The following LRMDA variants were observed in gnomAD, a reference collection of about 807,000 sequenced individuals.
The protein encoded by LRMDA is leucine rich melanocyte differentiation associated, also known as leucine-rich melanocyte differentiation-associated protein.
Under a neutral mutation model 29.8 loss-of-function variants are expected in LRMDA, and 18 were observed. That is an observed-to-expected ratio of 0.60 (90% CI 0.42 to 0.90). LRMDA has a LOEUF of 0.90. LRMDA is among the 40% of genes least tolerant of loss of function. The probability of loss-of-function intolerance (pLI) is 0.00; values close to 1 mark genes in which losing one functional copy is unlikely to be tolerated. For missense variants in LRMDA, 273 were observed against 273.9 expected (o/e 1.00, Z 0.02); for synonymous variants, 125 against 109.4 (o/e 1.14, Z -0.89).
intron 2 of LRMDA, among the ~76,000 whole-genome samples, chr10:75,641,426 A>G (rs1419719732): frequency 1.3e-5 from 2 of 150,842 alleles, no homozygotes; most frequent in Non-Finnish European, 3.0e-5. Flanking sequence ...ATATATACAG[A>G]TATTATTGAA....
chr10:75,743,526 C>T lies in LRMDA; in HGVS notation c.132-292482C>T, dbSNP rs1047256519. The T allele has an allele frequency of 3.3e-5, 5 of 152,164 alleles. No individual in the cohort carries two copies. The South Asian group carries it at 8.3e-4, about 25-fold the overall frequency. 9.4% of individuals were successfully genotyped at this position (152,164 alleles called of 1,614,324 possible). Reference sequence around the variant, plus strand: ...GGAGGAGATCAATTTTTCATCCTTTCCTTCGTGGGATAAAGAATATTTCAA... The same window carrying T: ...GGAGGAGATCAATTTTTCATCCTTTTCTTCGTGGGATAAAGAATATTTCAA... On this transcript the variant is annotated intron_variant, in intron 2 of 6. Coordinates refer to ENST00000611255, the MANE Select transcript of LRMDA (RefSeq NM_001305581.2).
At chr10:75,686,619 G>T (rs12245307) in intron 2 of LRMDA, among the ~76,000 whole-genome samples, 2 of 152,080 alleles carry the variant, frequency 1.3e-5, no homozygotes, top group African/African-American at 4.8e-5. Flanking sequence ...TACTTTCTTC[G>T]TTAATGGTAC....
intron 6 of LRMDA, among the ~76,000 whole-genome samples, chr10:76,546,369 T>C (rs547481221): frequency 6.6e-6 from 1 of 152,308 alleles, no homozygotes; most frequent in Non-Finnish European, 1.5e-5. Flanking sequence ...TACTCAGTTG[T>C]GGTCACTATG....
intron 5 of LRMDA, among the ~76,000 whole-genome samples, chr10:76,310,544 A>G (rs1343075904): frequency 6.6e-6 from 1 of 152,184 alleles, no homozygotes; most frequent in Non-Finnish European, 1.5e-5. Flanking sequence ...CATTTCACAA[A>G]GGAAACTACC....
chr10:75,431,628 C>T lies in LRMDA; in HGVS notation c.-97C>T. 2 of 1,097,824 alleles carry T rather than the reference C, an allele frequency of 1.8e-6. No homozygotes were observed. Among genetic ancestry groups the T allele is most frequent in the Non-Finnish European group, 1.1e-6 (1 of 880,406 alleles). 68.0% of individuals were successfully genotyped at this position (1,097,824 alleles called of 1,614,324 possible). A position where few individuals can be genotyped will look rare whatever the true frequency, so the allele number is the denominator to read the frequency against. The stretch of plus-strand genomic sequence containing the variant: ...CGCCGGGTCAGCTGACTGCCCAGTG[C>T]GGAACTGTGCGCCCGCCGCGCTCCC... On this transcript the variant is annotated 5_prime_UTR_variant, in exon 1 of 7. Coordinates refer to ENST00000611255, the MANE Select transcript of LRMDA (RefSeq NM_001305581.2).
At chr10:75,894,274 C>T (rs12413657) in intron 2 of LRMDA, among the ~76,000 whole-genome samples, 2,055 of 152,152 alleles carry the variant, frequency 0.014, 89 homozygotes, top group Admixed American at 0.094. Flanking sequence ...TGAGAACATA[C>T]GATGTCTGGT....
chr10:76,351,206 C>A (rs1009138850), intron 6 of LRMDA, among the ~76,000 whole-genome samples: 1 of 152,140 alleles, frequency 6.6e-6, no homozygotes, highest in African/African-American at 2.4e-5. Context: ...TGCAGCTCCA[C>A]GCATTGACTC....
chr10:75,786,577 AT>A (rs1843476093), intron 2 of LRMDA, among the ~76,000 whole-genome samples: 1 of 151,616 alleles, frequency 6.6e-6, no homozygotes, highest in Non-Finnish European at 1.5e-5. Flanking sequence ...TTTTTTTCTG[AT>A]TCAAATGGTA....
At chr10:75,874,413 A>C (rs1845162426) in intron 2 of LRMDA, among the ~76,000 whole-genome samples, 1 of 152,228 alleles carries the variant, frequency 6.6e-6, no homozygotes, top group Admixed American at 6.5e-5. Context: ...GTGTAACTAC[A>C]TGGGATAAAA....
At chr10:75,732,967 T>G (rs770961960) in intron 2 of LRMDA, among the ~76,000 whole-genome samples, 4 of 152,136 alleles carry the variant, frequency 2.6e-5, no homozygotes, top group Non-Finnish European at 5.9e-5. Context: ...GATACAGAAA[T>G]GCACTGGGAA....
rs189815009 is a variant in LRMDA at position 76,349,490 on chromosome 10, T to A, written c.601+25005T>A. ...CATATATATATTATATATATTTACCTAGTATCTTTCTATGTAGACTTATAA... is the reference window on the plus strand; with the variant it reads ...CATATATATATTATATATATTTACCAAGTATCTTTCTATGTAGACTTATAA... On this transcript the variant is annotated intron_variant, in intron 6 of 6. Transcript: ENST00000611255. Among the ~76,000 whole-genome samples the A allele has an allele frequency of 5.6e-3, 852 of 152,234 alleles. 3 individuals carry two copies. Among genetic ancestry groups the A allele is most frequent in the Non-Finnish European group, 9.4e-3 (636 of 68,018 alleles).
chr10:76,472,647 G>A (rs994131262), intron 6 of LRMDA, among the ~76,000 whole-genome samples: 1 of 151,474 alleles, frequency 6.6e-6, no homozygotes, highest in African/African-American at 2.4e-5. Flanking sequence ...CAAGTAGTTA[G>A]CTAGATTGAC....
intron 2 of LRMDA, among the ~76,000 whole-genome samples, chr10:75,893,987 T>A (rs1284026475): frequency 1.3e-5 from 2 of 152,136 alleles, no homozygotes; most frequent in Non-Finnish European, 2.9e-5. Flanking sequence ...GATTCTTTGT[T>A]TTTTTCTTTT....
intron 5 of LRMDA, among the ~76,000 whole-genome samples, chr10:76,112,478 C>T (rs1392457630): frequency 6.6e-6 from 1 of 152,238 alleles, no homozygotes; most frequent in Admixed American, 6.5e-5. Context: ...ACGGATCCCC[C>T]AAAGAGCCGG....
chr10:76,218,043 G>T (rs1204367546), intron 5 of LRMDA, among the ~76,000 whole-genome samples: 1 of 152,194 alleles, frequency 6.6e-6, no homozygotes, highest in Non-Finnish European at 1.5e-5. Flanking sequence ...GTACCCTGTA[G>T]TTTTTCATCC....
chr10:75,504,597 T>C (rs1000173097), intron 2 of LRMDA, among the ~76,000 whole-genome samples: 3 of 152,168 alleles, frequency 2.0e-5, no homozygotes, highest in Non-Finnish European at 4.4e-5. Flanking sequence ...TCATCTTCTC[T>C]AAGCAGGGTA....
intron 2 of LRMDA, among the ~76,000 whole-genome samples, chr10:75,848,639 A>G (rs1175450783): frequency 6.6e-6 from 1 of 152,136 alleles, no homozygotes; most frequent in Non-Finnish European, 1.5e-5. Context: ...AATTGGGCTC[A>G]TAAATCTTCA....
chr10:76,528,716 T>G (rs2132371052), intron 6 of LRMDA, among the ~76,000 whole-genome samples: 1 of 152,238 alleles, frequency 6.6e-6, no homozygotes, highest in East Asian at 1.9e-4. Context: ...TTTAAGAAAA[T>G]ACTGTCCTAT....
intron 2 of LRMDA, among the ~76,000 whole-genome samples, chr10:75,993,403 T>C (rs1847405416): frequency 6.6e-6 from 1 of 152,162 alleles, no homozygotes; most frequent in African/African-American, 2.4e-5. Context: ...TTCAATAGAC[T>C]TGAAGTTGCT....
Sources: allele counts gnomAD v4.1 joint callset (sites outside exome capture counted in the v4.1 genomes callset), GRCh38; gene constraint gnomAD v4.1.1; transcripts MANE v1.5; gene names NCBI Gene and HGNC (gene_info 2026-07-23, HGNC 2026-07-21).